Variants in SYNDIG1L observed in about 807,000 individuals in gnomAD.
SYNDIG1L encodes synapse differentiation inducing 1 like, also known as synapse differentiation-inducing gene protein 1-like.
In SYNDIG1L, 13 loss-of-function variants were observed where a neutral mutation model predicts 20.1. That is an observed-to-expected ratio of 0.65 (90% CI 0.42 to 1.03). The LOEUF (loss-of-function observed/expected upper bound fraction) is 1.03. Among genes scored for constraint, SYNDIG1L ranks in the 50% least tolerant of loss-of-function variants. The probability of loss-of-function intolerance (pLI) is 0.00; values close to 1 mark genes in which losing one functional copy is unlikely to be tolerated. For synonymous variants in SYNDIG1L, 128 were observed against 129.3 expected, an observed-to-expected ratio of 0.99 and a Z score of 0.07; for missense variants, 294 against 305.1, an observed-to-expected ratio of 0.96 and a Z score of 0.27.
the SYNDIG1L span, among the ~76,000 whole-genome samples, chr14:74,459,916 T>G: frequency 6.6e-6 from 1 of 152,214 alleles, no homozygotes; most frequent in Non-Finnish European, 1.5e-5. Context: ...CCCCAGGAAG[T>G]AGCCCCTTCT....
At chr14:74,474,818 C>T in the SYNDIG1L span, 2 of 152,158 alleles carry the variant, frequency 1.3e-5, no homozygotes, top group Non-Finnish European at 2.9e-5. Context: ...TCTTTTCTTC[C>T]CTTTGGAGAC....
At chr14:74,427,539 G>A (rs569786431), upstream of SYNDIG1L, among the ~76,000 whole-genome samples, 5 of 152,286 alleles carry the variant, frequency 3.3e-5, no homozygotes, top group East Asian at 9.6e-4. Flanking sequence ...CTTCAAGGCA[G>A]GACAGAGAAC....
At chr14:74,476,749 C>T in the SYNDIG1L span, among the ~76,000 whole-genome samples, 1 of 152,098 alleles carries the variant, frequency 6.6e-6, no homozygotes, top group Non-Finnish European at 1.5e-5. Context: ...TTTTTAGGAA[C>T]CAAACCCCTG....
chr14:74,412,283 T>C (rs907891433), intron 1 of SYNDIG1L, among the ~76,000 whole-genome samples: 1 of 152,166 alleles, frequency 6.6e-6, no homozygotes, highest in African/African-American at 2.4e-5. Context: ...TCTTCTGCCC[T>C]CCAAGGGCAG....
upstream of SYNDIG1L, among the ~76,000 whole-genome samples, chr14:74,428,881 G>A (rs1310087936): frequency 6.6e-6 from 1 of 152,116 alleles, no homozygotes. Flanking sequence ...ATTGGTTGTG[G>A]GGAAGGGAGC....
chr14:74,422,653 T>TCACACA (rs34711949), intron 1 of SYNDIG1L, among the ~76,000 whole-genome samples: 2,459 of 140,430 alleles, frequency 0.018, 58 homozygotes, highest in African/African-American at 0.053. Context: ...ATCTCTCTCT[T>TCACACA]CACACACACA....
chr14:74,433,442 C>T, the SYNDIG1L span, among the ~76,000 whole-genome samples: 7 of 151,562 alleles, frequency 4.6e-5, no homozygotes, highest in East Asian at 1.9e-4. Context: ...GGAGTGCAGT[C>T]GTGCAATCTT....
chr14:74,437,714 T>C, the SYNDIG1L span, among the ~76,000 whole-genome samples: 1 of 152,212 alleles, frequency 6.6e-6, no homozygotes, highest in African/African-American at 2.4e-5. Flanking sequence ...CCCACCCCTA[T>C]ACCTTGTGTT....
Position 74,407,634 on chromosome 14 carries a change from GGCC to G in SYNDIG1L, c.615_617del (p.Ala206del). 1.9e-6 allele frequency: 3 copies of G among 1,613,978 alleles called. No individual in the cohort carries two copies. The highest frequency in any genetic ancestry group is 2.5e-6 in the Non-Finnish European group (3 of 1,179,904). ...CGATGGCGAGTGTGGCTAGGAAGAG[GGCC>G]CGGCGGGAGGTGGTGCTGGCCAGGC... On this transcript the variant is annotated inframe_deletion, in exon 4 of 4. Coordinates refer to ENST00000331628, the MANE Select transcript of SYNDIG1L (RefSeq NM_001105579.2).
upstream of SYNDIG1L, among the ~76,000 whole-genome samples, chr14:74,430,778 GA>G (rs200425781): frequency 1.4e-3 from 208 of 149,324 alleles, 2 homozygotes; most frequent in East Asian, 0.018. Flanking sequence ...TTTTTTTTTT[GA>G]GACAGAGTCT....
chr14:74,425,484 A>T (rs954665985), intron 1 of SYNDIG1L, among the ~76,000 whole-genome samples: 2 of 152,244 alleles, frequency 1.3e-5, no homozygotes, highest in Non-Finnish European at 2.9e-5. Context: ...GGGGTACCAC[A>T]GCCACCTCAG....
At chr14:74,448,724 A>T in the SYNDIG1L span, among the ~76,000 whole-genome samples, 1 of 152,194 alleles carries the variant, frequency 6.6e-6, no homozygotes, top group South Asian at 2.1e-4. Context: ...ATGGAATATT[A>T]TACATCAAGA....
intron 1 of SYNDIG1L, among the ~76,000 whole-genome samples, chr14:74,410,431 TG>T (rs2086121763): frequency 6.6e-6 from 1 of 152,152 alleles, no homozygotes; most frequent in Non-Finnish European, 1.5e-5. Flanking sequence ...CGATGGGGTG[TG>T]GGGGCCAGAC....
the SYNDIG1L span, among the ~76,000 whole-genome samples, chr14:74,432,671 C>T: frequency 9.8e-4 from 149 of 152,264 alleles, no homozygotes; most frequent in Middle Eastern, 3.4e-3. Flanking sequence ...GCTTGGCCAA[C>T]ATAGTGAAAT....
At chr14:74,442,393 A>C in the SYNDIG1L span, among the ~76,000 whole-genome samples, 2 of 152,232 alleles carry the variant, frequency 1.3e-5, no homozygotes, top group Non-Finnish European at 2.9e-5. Flanking sequence ...TGCATTGAGC[A>C]CTGAAGAATG....
the SYNDIG1L span, among the ~76,000 whole-genome samples, chr14:74,432,178 T>TGA: frequency 4.9e-4 from 64 of 130,268 alleles, no homozygotes; most frequent in East Asian, 3.1e-3. Context: ...TGTGTGTGTG[T>TGA]GTGAGAGAGA....
the SYNDIG1L span, among the ~76,000 whole-genome samples, chr14:74,447,413 C>T: frequency 6.6e-6 from 1 of 151,940 alleles, no homozygotes; most frequent in Admixed American, 6.6e-5. Flanking sequence ...ATGGTGAAAC[C>T]CCGTGTCTAA....
the SYNDIG1L span, among the ~76,000 whole-genome samples, chr14:74,448,278 A>G: frequency 6.6e-6 from 1 of 152,180 alleles, no homozygotes; most frequent in East Asian, 1.9e-4. Context: ...TTGGACTATA[A>G]AGGCACATAT....
intron 1 of SYNDIG1L, among the ~76,000 whole-genome samples, chr14:74,417,807 A>C (rs1343374030): frequency 1.3e-5 from 2 of 152,152 alleles, no homozygotes; most frequent in East Asian, 3.9e-4. Flanking sequence ...ATGAGTTAAA[A>C]CCAGAGTCTT....
Sources: gnomAD v4.1 joint callset for allele counts (sites outside exome capture counted in the v4.1 genomes callset) on GRCh38, gnomAD v4.1.1 for gene constraint, MANE v1.5 for transcripts, NCBI Gene and HGNC (gene_info 2026-07-23, HGNC 2026-07-21) for gene names.